Variants in ADGRD1 observed in about 807,000 individuals in gnomAD.
The protein encoded by ADGRD1 is G-protein coupled receptor 133.
A neutral mutation model predicts 113.4 loss-of-function variants in ADGRD1; 77 were observed. The ratio of observed to expected loss-of-function variants is 0.68; its 90% CI spans 0.57 to 0.82. The LOEUF (loss-of-function observed/expected upper bound fraction) is 0.82, where lower values mean the gene tolerates loss of function less well. Among genes scored for constraint, ADGRD1 ranks in the 40% least tolerant of loss-of-function variants. The pLI is 0.00. For synonymous variants in ADGRD1, 474 were observed against 475.0 expected (o/e 1.00, Z 0.03); for missense variants, 1,036 against 1,139.1 (o/e 0.91, Z 1.30).
At chr12:131,083,594 G>C (rs1886231134) in intron 14 of ADGRD1, among the ~76,000 whole-genome samples, 1 of 152,168 alleles carries the variant, frequency 6.6e-6, no homozygotes, top group Non-Finnish European at 1.5e-5. Context: ...GAAACAGATT[G>C]AGACCCTGTC....
At chr12:131,121,232 C>T (rs566094127) in intron 20 of ADGRD1, among the ~76,000 whole-genome samples, 1 of 152,324 alleles carries the variant, frequency 6.6e-6, no homozygotes, top group Non-Finnish European at 1.5e-5. Context: ...GGTGCCTTCT[C>T]ACCCACCGGC....
At chr12:131,108,910 C>A in intron 18 of ADGRD1, 33 bp downstream of exon 18, 1 of 266,398 alleles carries the variant, frequency 3.8e-6, no homozygotes. Flanking sequence ...GATGGCGGGG[C>A]GGGAGGGACA....
intron 12 of ADGRD1, among the ~76,000 whole-genome samples, chr12:131,010,694 C>T (rs1395934460): frequency 6.6e-6 from 1 of 152,146 alleles, no homozygotes. Context: ...TCCGTGGGGC[C>T]AGGTAGTAAC....
At chr12:131,004,392 G>GCGGTGCTCCCCCGGGCCGC in intron 11 of ADGRD1, 96 bp downstream of exon 11, 2 of 790,718 alleles carry the variant, frequency 2.5e-6, no homozygotes, top group Non-Finnish European at 4.2e-6. Flanking sequence ...GCGCCAGGGA[G>GCGGTGCTCCCCCGGGCCGC]CTGCGGTGCT....
chr12:131,112,772 G>A (rs749383277), intron 18 of ADGRD1, among the ~76,000 whole-genome samples: 6 of 152,224 alleles, frequency 3.9e-5, no homozygotes, highest in Non-Finnish European at 7.3e-5. Context: ...CTCATGCAGG[G>A]CACTGGGTGG....
At chr12:131,135,587 A>G (rs1951055876) in intron 21 of ADGRD1, among the ~76,000 whole-genome samples, 1 of 152,176 alleles carries the variant, frequency 6.6e-6, no homozygotes, top group Non-Finnish European at 1.5e-5. Context: ...CTTCCTGGCC[A>G]TGGCCTCATT....
chr12:131,112,883 C>T (rs1057325158), intron 18 of ADGRD1, among the ~76,000 whole-genome samples: 18 of 152,216 alleles, frequency 1.2e-4, no homozygotes, highest in Non-Finnish European at 2.1e-4. Context: ...GTGTTCTGAG[C>T]CTGCCACACC....
chr12:130,996,724 C>T (rs1875462022), intron 8 of ADGRD1, among the ~76,000 whole-genome samples: 1 of 97,808 alleles, frequency 1.0e-5, no homozygotes, highest in African/African-American at 4.0e-5. Context: ...CCCCACCACC[C>T]TCCCGGACGG....
rs145367340 is a variant in ADGRD1, at chr12:130,954,979, C to CTTTT, written c.103+323_103+326dup. On this transcript the variant is annotated intron_variant, in intron 2 of 24. Coordinates refer to ENST00000261654, the MANE Select transcript of ADGRD1 (RefSeq NM_198827.5). The surrounding 1 kb of genome is among the most constrained non-coding windows in gnomAD (Gnocchi z 4.7). ...TCTTTCTCTCTTTCTTCCTTTCTTC[C>CTTTT]TTTTTTTCTTTTTGAGATGGAGTCT... is the stretch of plus-strand genomic sequence containing the variant. Among the ~76,000 whole-genome samples, 1,264 of 151,630 alleles carry CTTTT rather than the reference C, an allele frequency of 8.3e-3. 23 individuals carry two copies. The highest frequency in any genetic ancestry group is 0.029 in the African/African-American group (1,182 of 41,132).
At chr12:130,993,347 C>T (rs189379219) in intron 8 of ADGRD1, among the ~76,000 whole-genome samples, 37 of 151,434 alleles carry the variant, frequency 2.4e-4, no homozygotes, top group Non-Finnish European at 5.9e-5. Flanking sequence ...TTTCTGTCCA[C>T]GTAAGAGAAG....
intron 20 of ADGRD1, among the ~76,000 whole-genome samples, chr12:131,127,556 G>A (rs1950768494): frequency 1.4e-5 from 2 of 147,912 alleles, no homozygotes; most frequent in African/African-American, 2.5e-5. Flanking sequence ...TGAGGTGTTG[G>A]TTGGGTTGGT....
At chr12:131,076,675 A>T in intron 13 of ADGRD1, 126 bp from the exon 14 acceptor site, 1 of 764,704 alleles carries the variant, frequency 1.3e-6, no homozygotes, top group East Asian at 2.5e-5. Flanking sequence ...GGAGATAGAC[A>T]TCAGTGGCTA....
intron 6 of ADGRD1, 89 bp from the exon 7 acceptor site, chr12:130,990,925 A>G: frequency 1.0e-6 from 1 of 971,516 alleles, no homozygotes; most frequent in South Asian, 1.4e-5. Flanking sequence ...ATGTGTCTGA[A>G]GCCAGTACAT....
Position 131,075,941 on chromosome 12 carries a change from G to A in ADGRD1, c.1474-860G>A, listed in dbSNP as rs948091074. Among the ~76,000 whole-genome samples the A allele has an allele frequency of 2.6e-5, 4 of 152,154 alleles. No homozygotes were observed. Among genetic ancestry groups the A allele is most frequent in the Non-Finnish European group, 5.9e-5 (4 of 68,034 alleles). ...GAATCCATCAGACACCATTTATCCC[G>A]GAGCCATGCCACCTCTGAGCAGCCC... is the stretch of plus-strand genomic sequence containing the variant. On this transcript the variant is annotated intron_variant, in intron 13 of 24. Transcript: ENST00000261654. The surrounding 1 kb of genome is among the most constrained non-coding windows in gnomAD (Gnocchi z 5.3).
At chr12:130,985,192 C>T (rs1873505526) in intron 5 of ADGRD1, among the ~76,000 whole-genome samples, 1 of 151,992 alleles carries the variant, frequency 6.6e-6, no homozygotes, top group African/African-American at 2.4e-5. Flanking sequence ...CCATCTCAGC[C>T]TCCCAAAATG....
chr12:131,133,037 C>T (rs1950977521), intron 21 of ADGRD1, among the ~76,000 whole-genome samples: 1 of 152,170 alleles, frequency 6.6e-6, no homozygotes, highest in Admixed American at 6.5e-5. Context: ...TGGAAACCTT[C>T]AAGGGTTGTG....
intron 13 of ADGRD1, chr12:131,069,357 T>G (rs190326988): frequency 5.9e-5 from 9 of 152,346 alleles, no homozygotes; most frequent in South Asian, 2.1e-4. Context: ...ACCTGAGTCC[T>G]GAATTGGCCC....
At chr12:131,077,700 G>C (rs978919862) in intron 14 of ADGRD1, among the ~76,000 whole-genome samples, 2 of 152,128 alleles carry the variant, frequency 1.3e-5, no homozygotes, top group Non-Finnish European at 2.9e-5. Context: ...TGCAGGTCCT[G>C]TGTTGCCAGG....
chr12:131,028,180 C>G (rs1054245395), intron 13 of ADGRD1: 2 of 152,110 alleles, frequency 1.3e-5, no homozygotes, highest in African/African-American at 4.8e-5. Flanking sequence ...TTGTCTCATT[C>G]TGTTTTTTAT....
Sources: allele counts gnomAD v4.1 joint callset (sites outside exome capture counted in the v4.1 genomes callset), GRCh38; gene constraint gnomAD v4.1.1; non-coding constraint Gnocchi (gnomAD v3.1); transcripts MANE v1.5; gene names NCBI Gene and HGNC (gene_info 2026-07-23, HGNC 2026-07-21).